PDE1A: variants seen among roughly 807,000 people sequenced by gnomAD.
PDE1A encodes dual specificity calcium/calmodulin-dependent 3',5'-cyclic nucleotide phosphodiesterase 1A.
In PDE1A, 35 loss-of-function variants were observed where a neutral mutation model predicts 61.7. The observed-to-expected ratio is 0.57, with a 90% CI of 0.43 to 0.75. PDE1A has a LOEUF of 0.75. PDE1A is among the 30% of genes least tolerant of loss of function. The pLI is 0.00. For synonymous variants in PDE1A, 232 were observed against 213.2 expected (o/e 1.09, Z -0.77); for missense variants, 597 against 630.6 (o/e 0.95, Z 0.57).
At chr2:182,160,627 C>G (rs551549382) in intron 13 of PDE1A, among the ~76,000 whole-genome samples, 1 of 152,212 alleles carries the variant, frequency 6.6e-6, no homozygotes, top group South Asian at 2.1e-4. Flanking sequence ...GCATTCTTGG[C>G]CTCCTTGGTT....
At chr2:182,193,800 G>C (rs576448515) in intron 10 of PDE1A, among the ~76,000 whole-genome samples, 1 of 152,032 alleles carries the variant, frequency 6.6e-6, no homozygotes, top group South Asian at 2.1e-4. Context: ...TACTTTTATG[G>C]CTCTTGAAAC....
At position 182,385,640 on chromosome 2, in the gene PDE1A, G is replaced by GAAAGAAAGAAAGAAAGAAAGA. The variant is rs1553606357; in HGVS notation, c.53+40937_53+40938insTCTTTCTTTCTTTCTTTCTTT. On this transcript the variant is annotated intron_variant, in intron 1 of 13. Transcript: ENST00000351439. ...GAAACAGAAAGAAAGAAAGAAAGAAGAAGAAAGAAAGAAAGAAAGAAGAAA... is the reference window on the plus strand; with the variant it reads ...GAAACAGAAAGAAAGAAAGAAAGAAGAAAGAAAGAAAGAAAGAAAGAAAGAAAGAAAGAAAGAAAGAAGAAA... Among the ~76,000 whole-genome samples, 169 of 70,484 alleles carry GAAAGAAAGAAAGAAAGAAAGA rather than the reference G, an allele frequency of 2.4e-3. 5 individuals carry two copies. The highest frequency in any genetic ancestry group is 7.1e-3 in the African/African-American group (164 of 23,148). The allele number at this position is 70,484 out of a possible 152,430, so 46.2% of individuals were successfully genotyped here.
At chr2:182,632,058 T>C in the PDE1A span, among the ~76,000 whole-genome samples, 37,813 of 152,080 alleles carry the variant, frequency 0.25, 5,795 homozygotes, top group Non-Finnish European at 0.34. Context: ...TTTTATTCTC[T>C]TCCAGACTGA....
At chr2:182,279,210 C>A (rs116666241) in intron 1 of PDE1A, among the ~76,000 whole-genome samples, 1 of 151,850 alleles carries the variant, frequency 6.6e-6, no homozygotes, top group Non-Finnish European at 1.5e-5. Flanking sequence ...GGAGGATGAG[C>A]AGATTTTCAA....
chr2:182,416,944 G>C (rs563656462), intron 1 of PDE1A, among the ~76,000 whole-genome samples: 1 of 152,166 alleles, frequency 6.6e-6, no homozygotes, highest in South Asian at 2.1e-4. Flanking sequence ...GGTGACCTAC[G>C]ACCAAACAGT....
intron 1 of PDE1A, among the ~76,000 whole-genome samples, chr2:182,336,640 G>T (rs1256481111): frequency 6.6e-6 from 1 of 152,052 alleles, no homozygotes; most frequent in Admixed American, 6.6e-5. Context: ...CTAGGGGAGG[G>T]ATAGCATTAG....
chr2:182,154,120 T>G (rs1343141741), intron 13 of PDE1A, among the ~76,000 whole-genome samples: 1 of 152,188 alleles, frequency 6.6e-6, no homozygotes, highest in African/African-American at 2.4e-5. Context: ...TAAACTATTC[T>G]GGTTGATTGA....
At chr2:182,257,052 A>T (rs1204992014) in intron 2 of PDE1A, among the ~76,000 whole-genome samples, 1 of 152,124 alleles carries the variant, frequency 6.6e-6, no homozygotes, top group Non-Finnish European at 1.5e-5. Flanking sequence ...GTGGCATTTG[A>T]TTTACCCTTT....
At chr2:182,435,154 AC>A (rs2125651483) in intron 2 of PDE1A, among the ~76,000 whole-genome samples, 1 of 152,108 alleles carries the variant, frequency 6.6e-6, no homozygotes, top group South Asian at 2.1e-4. Context: ...AACATCATCA[AC>A]AACAACAACA....
intron 1 of PDE1A, among the ~76,000 whole-genome samples, chr2:182,367,404 C>T (rs1699895481): frequency 6.6e-6 from 1 of 151,746 alleles, no homozygotes; most frequent in African/African-American, 2.4e-5. Flanking sequence ...TTGTTTAAAC[C>T]TTTTATCTTC....
chr2:182,365,759 T>C (rs979350630), intron 1 of PDE1A, among the ~76,000 whole-genome samples: 5 of 152,078 alleles, frequency 3.3e-5, no homozygotes, highest in African/African-American at 1.2e-4. Flanking sequence ...ATTGAACATA[T>C]GCTAAAAATC....
chr2:182,415,445 T>C (rs1702856811), intron 1 of PDE1A, among the ~76,000 whole-genome samples: 1 of 152,206 alleles, frequency 6.6e-6, no homozygotes, highest in Non-Finnish European at 1.5e-5. Context: ...TGTCAAATTA[T>C]ATTTTAATCA....
intron 10 of PDE1A, among the ~76,000 whole-genome samples, chr2:182,200,254 G>T (rs1319164075): frequency 6.6e-6 from 1 of 152,128 alleles, no homozygotes; most frequent in African/African-American, 2.4e-5. Flanking sequence ...GGCTAATGAG[G>T]CAACTCTGGG....
chr2:182,711,852 AT>A, the PDE1A span, among the ~76,000 whole-genome samples: 1 of 152,358 alleles, frequency 6.6e-6, no homozygotes, highest in Non-Finnish European at 1.5e-5. Context: ...CCATGAATGC[AT>A]AATAATATAA....
At chr2:182,478,516 C>T (rs2125834998) in intron 2 of PDE1A, among the ~76,000 whole-genome samples, 1 of 151,964 alleles carries the variant, frequency 6.6e-6, no homozygotes, top group East Asian at 1.9e-4. Flanking sequence ...ATATATACCA[C>T]TCTTATTTCA....
At chr2:182,295,890 A>C (rs968801721) in intron 1 of PDE1A, among the ~76,000 whole-genome samples, 4 of 152,210 alleles carry the variant, frequency 2.6e-5, no homozygotes, top group Non-Finnish European at 5.9e-5. Context: ...TCACATTTCC[A>C]ATATTTGAGC....
chr2:182,233,211 A>C (rs1170904623), intron 4 of PDE1A, among the ~76,000 whole-genome samples: 1 of 152,232 alleles, frequency 6.6e-6, no homozygotes, highest in East Asian at 1.9e-4. Context: ...GAACCGAGGA[A>C]TGATTAATAT....
intron 2 of PDE1A, among the ~76,000 whole-genome samples, chr2:182,461,786 C>T (rs4666583): frequency 0.18 from 27,592 of 151,940 alleles, 3,001 homozygotes; most frequent in Middle Eastern, 0.33. Context: ...GTTTCCTCTG[C>T]ATATCTCAGC....
intron 13 of PDE1A, among the ~76,000 whole-genome samples, chr2:182,176,317 G>A (rs1294955388): frequency 6.7e-6 from 1 of 149,394 alleles, no homozygotes; most frequent in South Asian, 2.1e-4. Context: ...CTACCCATGA[G>A]CATGGAATGT....
Sources: allele counts gnomAD v4.1 joint callset (sites outside exome capture counted in the v4.1 genomes callset), GRCh38; gene constraint gnomAD v4.1.1; transcripts MANE v1.5; gene names NCBI Gene and HGNC (gene_info 2026-07-23, HGNC 2026-07-21).